Variants in LINGO2 observed in about 807,000 individuals in gnomAD.
The protein encoded by LINGO2 is leucine rich repeat and Ig domain containing 2.
A neutral mutation model predicts 30.6 loss-of-function variants in LINGO2; 14 were observed. That is an observed-to-expected ratio of 0.46 (90% CI 0.30 to 0.72). The LOEUF (loss-of-function observed/expected upper bound fraction) is 0.72, where lower values mean the gene tolerates loss of function less well. Ranked by LOEUF, LINGO2 falls within the 30% of genes least tolerant of loss-of-function variation. The probability of loss-of-function intolerance (pLI) is 0.07; values close to 1 mark genes in which losing one functional copy is unlikely to be tolerated. For missense variants in LINGO2, 729 were observed against 751.7 expected, an observed-to-expected ratio of 0.97 and a Z score of 0.35; for synonymous variants, 317 against 288.5, an observed-to-expected ratio of 1.10 and a Z score of -1.00.
the LINGO2 span, among the ~76,000 whole-genome samples, chr9:29,158,459 A>T: frequency 2.6e-5 from 4 of 152,348 alleles, no homozygotes; most frequent in East Asian, 7.7e-4. Context: ...ACTGAAAAAG[A>T]TTTTGGAGGA....
chr9:28,193,890 C>T (rs562968827), intron 4 of LINGO2, among the ~76,000 whole-genome samples: 2 of 152,308 alleles, frequency 1.3e-5, no homozygotes, highest in East Asian at 3.9e-4. Flanking sequence ...CTAGTTTGGT[C>T]TCCTTTACAG....
intron 3 of LINGO2, among the ~76,000 whole-genome samples, chr9:28,345,498 T>C (rs1300559184): frequency 6.6e-6 from 1 of 152,176 alleles, no homozygotes; most frequent in African/African-American, 2.4e-5. Flanking sequence ...CTAGCAGGCC[T>C]GGATCACTTA....
intron 1 of LINGO2, 49 bp from the exon 4 acceptor site, chr9:28,476,074 AG>A (rs1355049445): frequency 6.6e-6 from 1 of 152,562 alleles, no homozygotes; most frequent in Non-Finnish European, 1.5e-5. Flanking sequence ...GCTTGCTTCA[AG>A]AAGGATTTTA....
intron 1 of LINGO2, among the ~76,000 whole-genome samples, chr9:28,555,527 T>A (rs890007728): frequency 9.3e-5 from 14 of 151,180 alleles, no homozygotes; most frequent in African/African-American, 3.2e-4. Context: ...CCAATAAGAG[T>A]CCAGGACCAG....
chr9:28,792,295 T>C, the LINGO2 span, among the ~76,000 whole-genome samples: 1 of 151,824 alleles, frequency 6.6e-6, no homozygotes, highest in Admixed American at 6.6e-5. Flanking sequence ...AGATGGAAAA[T>C]GGACACTGAT....
chr9:29,064,863 A>G, the LINGO2 span, among the ~76,000 whole-genome samples: 1 of 152,166 alleles, frequency 6.6e-6, no homozygotes, highest in East Asian at 1.9e-4. Flanking sequence ...TTATACTTTC[A>G]TATTTATCCC....
At chr9:28,489,129 G>T (rs1826285744) in intron 1 of LINGO2, among the ~76,000 whole-genome samples, 1 of 152,106 alleles carries the variant, frequency 6.6e-6, no homozygotes, top group African/African-American at 2.4e-5. Flanking sequence ...CTACATTCTG[G>T]CATAAATTGT....
At chr9:28,652,521 C>G (rs1828148104) in intron 1 of LINGO2, among the ~76,000 whole-genome samples, 1 of 152,006 alleles carries the variant, frequency 6.6e-6, no homozygotes, top group South Asian at 2.1e-4. Flanking sequence ...CCAATACATA[C>G]AGGTTCATGC....
intron 4 of LINGO2, among the ~76,000 whole-genome samples, chr9:28,171,870 A>T (rs373998882): frequency 6.6e-6 from 1 of 150,482 alleles, no homozygotes; most frequent in South Asian, 2.1e-4. Context: ...AAACCAAAAA[A>T]ATTTAGCCAG....
At chr9:28,297,938 T>A (rs757707649) in intron 3 of LINGO2, among the ~76,000 whole-genome samples, 3 of 152,204 alleles carry the variant, frequency 2.0e-5, no homozygotes, top group Non-Finnish European at 2.9e-5. Flanking sequence ...GATGCTATTG[T>A]ATAAGTTGCT....
chr9:28,284,979 T>C (rs965620916), intron 4 of LINGO2, among the ~76,000 whole-genome samples: 1 of 152,198 alleles, frequency 6.6e-6, no homozygotes, highest in Non-Finnish European at 1.5e-5. Flanking sequence ...AGAAATGCAC[T>C]AGACAAAGAT....
the LINGO2 span, among the ~76,000 whole-genome samples, chr9:28,754,632 G>A: frequency 6.6e-6 from 1 of 150,910 alleles, no homozygotes; most frequent in Non-Finnish European, 1.5e-5. Context: ...ATCTGTTTCT[G>A]TCCTTTTTTT....
the LINGO2 span, among the ~76,000 whole-genome samples, chr9:29,090,505 T>A: frequency 6.6e-6 from 1 of 152,060 alleles, no homozygotes; most frequent in Non-Finnish European, 1.5e-5. Flanking sequence ...TCTCAAAAGC[T>A]TAATACAGTT....
intron 2 of LINGO2, among the ~76,000 whole-genome samples, chr9:28,387,276 T>C (rs957824353): frequency 6.6e-6 from 1 of 152,022 alleles, no homozygotes; most frequent in African/African-American, 2.4e-5. Context: ...TGGCACTCTG[T>C]GTCTAAAGGT....
the LINGO2 span, among the ~76,000 whole-genome samples, chr9:29,091,372 G>A: frequency 6.6e-6 from 1 of 151,376 alleles, no homozygotes; most frequent in Admixed American, 6.6e-5. Context: ...ATAGGAAGAG[G>A]AAGAATTCCA....
intron 1 of LINGO2, among the ~76,000 whole-genome samples, chr9:28,585,633 G>A (rs1215957910): frequency 1.3e-5 from 2 of 152,092 alleles, no homozygotes; most frequent in Non-Finnish European, 2.9e-5. Flanking sequence ...ATTAGGCTAA[G>A]GTATGATGTC....
At chr9:28,262,939 C>G (rs1373318858) in intron 4 of LINGO2, among the ~76,000 whole-genome samples, 1 of 151,958 alleles carries the variant, frequency 6.6e-6, no homozygotes, top group Admixed American at 6.6e-5. Flanking sequence ...GTACTCTAAA[C>G]TTAGAAGCTT....
chr9:28,850,600 C>T, the LINGO2 span, among the ~76,000 whole-genome samples: 1 of 151,960 alleles, frequency 6.6e-6, no homozygotes, highest in Non-Finnish European at 1.5e-5. Flanking sequence ...TCTTATTTAA[C>T]CAGCCACCTC....
At chr9:28,536,938 T>C (rs549029925) in intron 1 of LINGO2, among the ~76,000 whole-genome samples, 45 of 151,940 alleles carry the variant, frequency 3.0e-4, no homozygotes, top group Admixed American at 5.9e-4. Flanking sequence ...TATTTGAAAA[T>C]AGGATTGTTG....
Sources: allele counts gnomAD v4.1 joint callset (sites outside exome capture counted in the v4.1 genomes callset), GRCh38; gene constraint gnomAD v4.1.1; transcripts MANE v1.5; gene names NCBI Gene and HGNC (gene_info 2026-07-23, HGNC 2026-07-21).